Variants in DPP6 observed in about 807,000 individuals in gnomAD.
DPP6 encodes the protein A-type potassium channel modulatory protein DPP6.
In DPP6, 69 loss-of-function variants were observed where a neutral mutation model predicts 122.6. The observed-to-expected ratio is 0.56, with a 90% CI of 0.46 to 0.69. The LOEUF is 0.69. Among genes scored for constraint, DPP6 ranks in the 30% least tolerant of loss-of-function variants. The pLI is 0.00. For synonymous variants in DPP6, 418 were observed against 433.1 expected (o/e 0.97, Z 0.43); for missense variants, 928 against 1,116.9 (o/e 0.83, Z 2.41).
chr7:154,308,198 G>C (rs1237379928), intron 1 of DPP6, among the ~76,000 whole-genome samples: 1 of 151,956 alleles, frequency 6.6e-6, no homozygotes. Context: ...GCATATGGGT[G>C]GTGGGTGGAA....
At chr7:154,789,847 C>T (rs1032382877) in intron 10 of DPP6, among the ~76,000 whole-genome samples, 22 of 152,164 alleles carry the variant, frequency 1.4e-4, no homozygotes, top group African/African-American at 4.8e-4. Context: ...TCAAGATTGC[C>T]CTGTTGGTGG....
chr7:154,699,315 G>C (rs1840387079), intron 7 of DPP6, among the ~76,000 whole-genome samples: 1 of 152,182 alleles, frequency 6.6e-6, no homozygotes, highest in African/African-American at 2.4e-5. Flanking sequence ...GAAAGATATT[G>C]AAAATTCATT....
rs1299229653 is a variant in DPP6, at chr7:154,624,639, A to T, written c.628-13182A>T. On this transcript the variant is annotated intron_variant, in intron 5 of 25. Transcript: ENST00000377770. The surrounding 1 kb of genome is among the most constrained non-coding windows in gnomAD (Gnocchi z 4.7). The stretch of plus-strand genomic sequence containing the variant: ...GAGGATGACCCCGTGGTGGTCAGGT[A>T]CCTTGCTGCTCTGCACACAAACAAT... Among the ~76,000 whole-genome samples the T allele has an allele frequency of 6.6e-6, 1 of 152,168 alleles. No homozygotes were observed. Among genetic ancestry groups the T allele is most frequent in the Non-Finnish European group, 1.5e-5 (1 of 68,032 alleles).
intron 3 of DPP6, among the ~76,000 whole-genome samples, chr7:154,513,286 C>A (rs576699984): frequency 6.6e-6 from 1 of 152,194 alleles, no homozygotes; most frequent in Non-Finnish European, 1.5e-5. Context: ...AGAACTCCCA[C>A]CAACCTCACA....
chr7:154,029,654 G>T (rs1253168040), intron 1 of DPP6, among the ~76,000 whole-genome samples: 1 of 148,808 alleles, frequency 6.7e-6, no homozygotes, highest in Admixed American at 6.7e-5. Context: ...AGACCATCCT[G>T]GCTAACATGG....
intron 2 of DPP6, among the ~76,000 whole-genome samples, chr7:154,454,425 G>C (rs1042543421): frequency 6.6e-6 from 1 of 152,178 alleles, no homozygotes; most frequent in African/African-American, 2.4e-5. Flanking sequence ...CATTATGATG[G>C]TCCAAAACAT....
chr7:154,827,601 C>T (rs1800260856), intron 16 of DPP6, among the ~76,000 whole-genome samples: 1 of 149,706 alleles, frequency 6.7e-6, no homozygotes, highest in Non-Finnish European at 1.5e-5. Flanking sequence ...GGATGGCCCA[C>T]TGGGGGTGTT....
intron 1 of DPP6, among the ~76,000 whole-genome samples, chr7:154,053,492 C>T (rs1800564204): frequency 1.3e-5 from 2 of 151,024 alleles, no homozygotes; most frequent in Non-Finnish European, 3.0e-5. Flanking sequence ...CTCTCCCTCC[C>T]ACCTGTGTCT....
chr7:153,808,971 A>T, the DPP6 span, among the ~76,000 whole-genome samples: 1 of 152,038 alleles, frequency 6.6e-6, no homozygotes, highest in Admixed American at 6.5e-5. Flanking sequence ...TGGAACCTCC[A>T]TACTACTTTC....
rs1167770083 is a variant in DPP6 at position 154,371,378 on chromosome 7, C to CAAAAA, written c.244-74814_244-74810dup. ...TGGGAGACAGAGTGAAACTCTGTCT[C>CAAAAA]AAAAAAAAAAAAAAAAAAAAAAAAA... On this transcript the variant is annotated intron_variant, in intron 1 of 25. Transcript: ENST00000377770. Among the ~76,000 whole-genome samples the CAAAAA allele has an allele frequency of 4.1e-3, 196 of 47,644 alleles. 1 individual carries two copies. The highest frequency in any genetic ancestry group is 5.0e-3 in the Non-Finnish European group (153 of 30,482). 31.3% of individuals were successfully genotyped at this position (47,644 alleles called of 152,430 possible).
At chr7:153,843,206 G>GCA in the DPP6 span, among the ~76,000 whole-genome samples, 1 of 151,496 alleles carries the variant, frequency 6.6e-6, no homozygotes, top group South Asian at 2.1e-4. Flanking sequence ...ACACACACGT[G>GCA]CACACACACA....
At chr7:154,666,655 C>T (rs1222375069) in intron 6 of DPP6, among the ~76,000 whole-genome samples, 2 of 152,148 alleles carry the variant, frequency 1.3e-5, no homozygotes, top group East Asian at 1.9e-4. Flanking sequence ...CCCCCAATCC[C>T]TCCCACTCCC....
intron 1 of DPP6, among the ~76,000 whole-genome samples, chr7:153,957,359 GGCACTGTGGT>G: frequency 6.6e-6 from 1 of 152,182 alleles, no homozygotes. Flanking sequence ...CAGAAAACAA[GGCACTGTGGT>G]GCCTGTTGTA....
At chr7:154,143,855 CT>C (rs1245892312) in intron 1 of DPP6, among the ~76,000 whole-genome samples, 1 of 151,934 alleles carries the variant, frequency 6.6e-6, no homozygotes, top group African/African-American at 2.4e-5. Flanking sequence ...GCACATATAC[CT>C]TTGTGCCGTT....
chr7:154,718,633 CCTTTTTT>C (rs1403161092), intron 7 of DPP6, among the ~76,000 whole-genome samples: 1 of 135,962 alleles, frequency 7.4e-6, no homozygotes, highest in Non-Finnish European at 1.5e-5. Flanking sequence ...ACTTCCTCCT[CCTTTTTT>C]TTTTTTTTTT....
chr7:154,445,078 C>T (rs891849678), intron 1 of DPP6, among the ~76,000 whole-genome samples: 6 of 152,060 alleles, frequency 3.9e-5, no homozygotes, highest in African/African-American at 1.4e-4. Flanking sequence ...TGCATATTGT[C>T]TATTTTAGTT....
rs979308386 is a variant in DPP6, at chr7:154,875,133, AAGAG to A, written c.1884-763_1884-760del. ...GAAAAAAAAAGAAGAAAAGAAAAGAAAGAGAGAGAGAGAAGGAAAGAAGGAGGGG... is the reference window on the plus strand; with the variant it reads ...GAAAAAAAAAGAAGAAAAGAAAAGAAAGAGAGAGAAGGAAAGAAGGAGGGG... On this transcript the variant is annotated intron_variant, in intron 19 of 25. Transcript: ENST00000377770. This position sits in a 1 kb window ranked among gnomAD's most constrained non-coding sequence, Gnocchi z 4.5. Among the ~76,000 whole-genome samples the A allele has an allele frequency of 2.6e-5, 4 of 151,814 alleles. No individual in the cohort carries two copies. The highest frequency in any genetic ancestry group is 9.7e-5 in the African/African-American group (4 of 41,392).
intron 1 of DPP6, among the ~76,000 whole-genome samples, chr7:153,973,255 C>G (rs879616042): frequency 6.6e-6 from 1 of 152,156 alleles, no homozygotes; most frequent in African/African-American, 2.4e-5. Context: ...TTTTCTTCCT[C>G]TCTGAAATAA....
intron 1 of DPP6, among the ~76,000 whole-genome samples, chr7:153,891,159 C>T (rs1424443674): frequency 6.6e-6 from 1 of 151,052 alleles, no homozygotes; most frequent in Non-Finnish European, 1.5e-5. Flanking sequence ...GTAGCTAGGA[C>T]TACAGGCGCC....
Sources: allele counts gnomAD v4.1 joint callset (sites outside exome capture counted in the v4.1 genomes callset), GRCh38; gene constraint gnomAD v4.1.1; non-coding constraint Gnocchi (gnomAD v3.1); transcripts MANE v1.5; gene names NCBI Gene and HGNC (gene_info 2026-07-23, HGNC 2026-07-21).